Variants in SGCD observed in about 807,000 individuals in gnomAD.
SGCD encodes the protein delta-sarcoglycan.
A neutral mutation model predicts 36.6 loss-of-function variants in SGCD; 18 were observed. The observed-to-expected ratio is 0.49, with a 90% confidence interval of 0.34 to 0.73. SGCD has a LOEUF of 0.73. SGCD is among the 30% of genes least tolerant of loss of function. SGCD has a pLI of 0.01. For synonymous variants in SGCD, 133 were observed against 130.6 expected, an observed-to-expected ratio of 1.02 and a Z score of -0.12; for missense variants, 387 against 346.7, an observed-to-expected ratio of 1.12 and a Z score of -0.92.
At chr5:155,857,288 C>T in the SGCD span, among the ~76,000 whole-genome samples, 2 of 152,160 alleles carry the variant, frequency 1.3e-5, no homozygotes, top group African/African-American at 4.8e-5. Context: ...GTAACTCAGT[C>T]ATTCAACTCC....
At chr5:156,133,692 A>AT (rs796233074) in intron 3 of SGCD, among the ~76,000 whole-genome samples, 141 of 150,530 alleles carry the variant, frequency 9.4e-4, no homozygotes, top group African/African-American at 3.1e-3. Flanking sequence ...TTTTGCCTTT[A>AT]TTTTTTTTTG....
chr5:156,124,019 G>A (rs1472585907), exon 3 of SGCD: 1 of 152,072 alleles, frequency 6.6e-6, no homozygotes, highest in African/African-American at 2.4e-5. Context: ...GGACTGCTAA[G>A]GTATGAGTTT....
At chr5:156,302,810 C>T (rs555153773) in intron 3 of SGCD, among the ~76,000 whole-genome samples, 4 of 152,238 alleles carry the variant, frequency 2.6e-5, no homozygotes, top group African/African-American at 9.6e-5. Flanking sequence ...CTTACTTTCT[C>T]CTAGACAAAT....
chr5:156,588,620 C>T (rs1016835693), intron 4 of SGCD, among the ~76,000 whole-genome samples: 1 of 152,110 alleles, frequency 6.6e-6, no homozygotes, highest in Non-Finnish European at 1.5e-5. Flanking sequence ...TAGATACAGG[C>T]ACAGACGGCC....
At chr5:156,382,712 T>G (rs929039114) in intron 3 of SGCD, among the ~76,000 whole-genome samples, 5 of 152,208 alleles carry the variant, frequency 3.3e-5, no homozygotes, top group Non-Finnish European at 7.3e-5. Context: ...TTGTCAGCTT[T>G]CTAAACTCTT....
In SGCD at chr5:155,969,955, T is replaced by A. The variant is rs569973096; in HGVS notation, c.-282+99531T>A. On this transcript the variant is annotated intron_variant, in intron 1 of 9. Coordinates refer to the SGCD transcript ENST00000517913. ...TTTTTTTTCAGCTTGACAAGTGATT[T>A]TTCGTTTTGAAAAATGAAAGTTTTA... Among the ~76,000 whole-genome samples the A allele has an allele frequency of 2.0e-5, 3 of 152,150 alleles. 1 individual carries two copies. In the East Asian group the frequency reaches 5.8e-4, roughly 29 times the overall value.
At chr5:156,405,593 A>G (rs545793666) in intron 3 of SGCD, among the ~76,000 whole-genome samples, 1 of 152,336 alleles carries the variant, frequency 6.6e-6, no homozygotes, top group South Asian at 2.1e-4. Flanking sequence ...CCCATCTGTC[A>G]TCTAAATTTT....
At chr5:156,198,350 C>T (rs951723808) in intron 3 of SGCD, among the ~76,000 whole-genome samples, 19 of 152,060 alleles carry the variant, frequency 1.2e-4, no homozygotes, top group African/African-American at 4.3e-4. Context: ...ATGTGTTTTC[C>T]TTTCATTTAG....
intron 4 of SGCD, among the ~76,000 whole-genome samples, chr5:156,538,255 A>G (rs917879403): frequency 5.9e-5 from 9 of 152,186 alleles, no homozygotes; most frequent in East Asian, 5.8e-4. Context: ...GAAAACTGCA[A>G]TGAAAGGATG....
rs1757613790 is a variant in SGCD, at chr5:156,767,483, T to TTA, written c.*8093_*8094insTA. 1 of 115,724 alleles carries TTA rather than the reference T, an allele frequency of 8.6e-6. No homozygotes were observed. Among genetic ancestry groups the TTA allele is most frequent in the African/African-American group, 3.7e-5 (1 of 26,918 alleles). The allele number at this position is 115,724 out of a possible 1,614,324, so 7.2% of individuals were successfully genotyped here. On this transcript the variant is annotated 3_prime_UTR_variant, in exon 9 of 9. Coordinates refer to ENST00000337851, the MANE Select transcript of SGCD (RefSeq NM_000337.6). ...GGAAGTCCCATTTGCTTGGAGATTT[T>TTA]GAAAAAAAAAAAAAAAAAAAACCCA...
intron 7 of SGCD, among the ~76,000 whole-genome samples, chr5:156,696,915 A>AACACACACACACAC (rs57963416): frequency 1.1e-4 from 16 of 145,178 alleles, no homozygotes; most frequent in African/African-American, 3.8e-4. Flanking sequence ...CCTTACACAC[A>AACACACACACACAC]ACACACACAC....
intron 3 of SGCD, among the ~76,000 whole-genome samples, chr5:156,183,502 G>C (rs1278990629): frequency 6.6e-6 from 1 of 152,048 alleles, no homozygotes; most frequent in African/African-American, 2.4e-5. Flanking sequence ...TCACCTCCAG[G>C]GTTAAAGTGA....
upstream of SGCD, among the ~76,000 whole-genome samples, chr5:155,867,133 C>T (rs244962): frequency 0.55 from 83,192 of 151,784 alleles, 24,680 homozygotes; most frequent in African/African-American, 0.78. Context: ...TAGTTTTAGG[C>T]TTTTAAACAG....
At chr5:156,462,658 C>A (rs1053105815) in intron 3 of SGCD, among the ~76,000 whole-genome samples, 2 of 152,086 alleles carry the variant, frequency 1.3e-5, no homozygotes, top group Admixed American at 6.6e-5. Flanking sequence ...GGAAAGTATT[C>A]TTTTATGAAT....
At chr5:155,977,298 C>A (rs1290249881) in intron 1 of SGCD, among the ~76,000 whole-genome samples, 4 of 152,162 alleles carry the variant, frequency 2.6e-5, no homozygotes, top group African/African-American at 9.7e-5. Context: ...CTTGACTAGA[C>A]CCACTGGTAC....
chr5:156,616,333 C>T (rs1350780212), intron 6 of SGCD, among the ~76,000 whole-genome samples: 1 of 152,144 alleles, frequency 6.6e-6, no homozygotes, highest in East Asian at 1.9e-4. Flanking sequence ...AGGTCATATT[C>T]CCACTGCTAG....
At chr5:155,742,450 A>C in the SGCD span, among the ~76,000 whole-genome samples, 10 of 152,202 alleles carry the variant, frequency 6.6e-5, no homozygotes, top group African/African-American at 2.2e-4. Context: ...TACCCAGGGC[A>C]GACTGAGATT....
At chr5:155,738,234 T>C in the SGCD span, among the ~76,000 whole-genome samples, 4 of 152,208 alleles carry the variant, frequency 2.6e-5, no homozygotes, top group African/African-American at 9.7e-5. Context: ...GAGATGGTGA[T>C]TTTTAATTTA....
chr5:156,546,273 T>C (rs1758567037), intron 4 of SGCD, among the ~76,000 whole-genome samples: 2 of 152,348 alleles, frequency 1.3e-5, no homozygotes, highest in Non-Finnish European at 1.5e-5. Flanking sequence ...TATAAAGAGA[T>C]ATTATCTGTT....
Sources: gnomAD v4.1 joint callset for allele counts (sites outside exome capture counted in the v4.1 genomes callset) on GRCh38, gnomAD v4.1.1 for gene constraint, MANE v1.5 for transcripts, NCBI Gene and HGNC (gene_info 2026-07-23, HGNC 2026-07-21) for gene names.